The following CNTN5 variants were observed in gnomAD, a reference collection of about 807,000 sequenced individuals.
CNTN5 encodes contactin-5.
A neutral mutation model predicts 129.1 loss-of-function variants in CNTN5; 77 were observed. The observed-to-expected ratio is 0.60, with a 90% confidence interval of 0.50 to 0.72. CNTN5 has a LOEUF of 0.72. CNTN5 is among the 30% of genes least tolerant of loss of function. The pLI is 0.00. For missense variants in CNTN5, 1,478 were observed against 1,328.8 expected (o/e 1.11, Z -1.75); for synonymous variants, 509 against 465.6 (o/e 1.09, Z -1.20).
chr11:99,197,327 TA>T (rs1858953849), intron 1 of CNTN5, among the ~76,000 whole-genome samples: 2 of 151,972 alleles, frequency 1.3e-5, no homozygotes, highest in Non-Finnish European at 2.9e-5. Context: ...GATACCTACC[TA>T]AAAATGTATA....
intron 1 of CNTN5, among the ~76,000 whole-genome samples, chr11:99,184,955 TA>T (rs1301429823): frequency 2.7e-5 from 4 of 147,412 alleles, no homozygotes. Flanking sequence ...ACCTATTAAA[TA>T]AATCAATTCC....
intron 2 of CNTN5, among the ~76,000 whole-genome samples, chr11:99,507,927 A>G (rs1387428068): frequency 1.3e-5 from 2 of 152,218 alleles, no homozygotes; most frequent in African/African-American, 4.8e-5. Context: ...TGGCTTTATA[A>G]AACTTAACTC....
intron 2 of CNTN5, among the ~76,000 whole-genome samples, chr11:99,388,512 C>T (rs995380557): frequency 3.3e-5 from 5 of 151,734 alleles, no homozygotes; most frequent in Non-Finnish European, 2.9e-5. Flanking sequence ...TAGTGCCATG[C>T]GTATCTTTGG....
intron 3 of CNTN5, among the ~76,000 whole-genome samples, chr11:99,756,625 T>A (rs1017917656): frequency 2.6e-5 from 4 of 152,092 alleles, no homozygotes; most frequent in African/African-American, 9.7e-5. Flanking sequence ...GGTAAGATCT[T>A]TGAACATTTA....
chr11:99,292,992 C>T (rs1045249836), intron 1 of CNTN5, among the ~76,000 whole-genome samples: 9 of 152,112 alleles, frequency 5.9e-5, no homozygotes, highest in African/African-American at 2.2e-4. Context: ...TTAATAGGCC[C>T]CCCTTTAATT....
chr11:99,444,194 GT>G (rs1337403649), intron 2 of CNTN5, among the ~76,000 whole-genome samples: 1 of 151,702 alleles, frequency 6.6e-6, no homozygotes, highest in Non-Finnish European at 1.5e-5. Context: ...GCAAAACTCT[GT>G]CTCAAAAAGA....
At chr11:99,059,831 G>A (rs1270758312) in intron 1 of CNTN5, among the ~76,000 whole-genome samples, 2 of 152,032 alleles carry the variant, frequency 1.3e-5, no homozygotes, top group Non-Finnish European at 2.9e-5. Flanking sequence ...CATATGTGAT[G>A]GGTAAAGTTT....
At chr11:99,343,602 G>T (rs1532818) in intron 2 of CNTN5, among the ~76,000 whole-genome samples, 152,002 of 152,340 alleles carry the variant, frequency 1, 75,834 homozygotes, top group Middle Eastern at 1. Context: ...TGTGTTATAC[G>T]TCGATCTCTG....
intron 8 of CNTN5, among the ~76,000 whole-genome samples, chr11:99,971,926 C>G (rs1036984632): frequency 6.7e-6 from 1 of 149,870 alleles, no homozygotes; most frequent in Non-Finnish European, 1.5e-5. Flanking sequence ...ACATTTGTAT[C>G]AGGATAATTG....
chr11:99,188,056 TTTA>T (rs1172378993), intron 1 of CNTN5, among the ~76,000 whole-genome samples: 3 of 151,876 alleles, frequency 2.0e-5, no homozygotes, highest in Non-Finnish European at 4.4e-5. Context: ...TTCTGCACTT[TTTA>T]TTTTCATTTT....
rs1470390814 is a variant in CNTN5 at position 99,392,210 on chromosome 11, A to G, written c.-71+66726A>G. 2.6e-5 allele frequency among the ~76,000 whole-genome samples: 4 copies of G among 151,464 alleles called. No homozygotes were observed. In the East Asian group the frequency reaches 7.7e-4, roughly 29 times the overall value. On this transcript the variant is annotated intron_variant, in intron 2 of 24. Coordinates refer to ENST00000524871, the MANE Select transcript of CNTN5 (RefSeq NM_014361.4). ...GCAGTATTTGTACTCAATAAATAAT[A>G]AAATAATAAAAATAAAAATAAAAAT...
rs561837035 is a variant in CNTN5, at chr11:99,066,788, C to T, written c.-210+45518C>T. Among the ~76,000 whole-genome samples the T allele has an allele frequency of 2.9e-4, 44 of 152,224 alleles. 1 individual carries two copies. The South Asian group carries it at 8.5e-3, about 29-fold the overall frequency. On this transcript the variant is annotated intron_variant, in intron 1 of 24. Transcript: ENST00000524871. ...TGAGGCTACACTTCCTACTCACTGC[C>T]GCCAACTAATTACTGAGCACAGCAG...
At position 99,956,819 on chromosome 11, in the gene CNTN5, CT is replaced by C; in HGVS notation, c.688del (p.Trp230GlyfsTer42). Reference protein sequence around the residue: ...PPHSPEIIYSWVFNEFPSFVA... With the variant: ...PPHSPEIIYSXVFNEFPSFVA... ...GTGTATTTTCAGAGATCATCTATAG[CT>C]GGGTATTTAATGAGTTCCCTTCCTT... On this transcript the variant is annotated frameshift_variant, in exon 8 of 25. Coordinates refer to ENST00000524871, the MANE Select transcript of CNTN5 (RefSeq NM_014361.4). LOFTEE classifies it high-confidence loss of function. 6.2e-7 allele frequency: 1 copy of C among 1,613,714 alleles called. No homozygotes were observed.
chr11:100,041,861 T>C (rs936046139), intron 9 of CNTN5, among the ~76,000 whole-genome samples: 44 of 152,186 alleles, frequency 2.9e-4, no homozygotes, highest in African/African-American at 1.0e-3. Flanking sequence ...TGCTATATAT[T>C]CTGAACCACA....
chr11:99,419,713 C>A (rs1942805630), intron 2 of CNTN5, among the ~76,000 whole-genome samples: 1 of 151,944 alleles, frequency 6.6e-6, no homozygotes, highest in South Asian at 2.1e-4. Context: ...AGGGGTGTGG[C>A]TGGAGAAAGT....
At chr11:99,906,643 G>GT (rs1487950808) in intron 6 of CNTN5, among the ~76,000 whole-genome samples, 1 of 152,138 alleles carries the variant, frequency 6.6e-6, no homozygotes, top group Non-Finnish European at 1.5e-5. Context: ...TTGGTATCAG[G>GT]ATGATGCTGC....
At chr11:99,788,494 T>C in intron 3 of CNTN5, among the ~76,000 whole-genome samples, 1 of 151,952 alleles carries the variant, frequency 6.6e-6, no homozygotes, top group East Asian at 1.9e-4. Flanking sequence ...TTTTATGTCA[T>C]TCCCTTTTGT....
At chr11:99,295,380 C>G (rs1429897783) in intron 1 of CNTN5, among the ~76,000 whole-genome samples, 1 of 152,182 alleles carries the variant, frequency 6.6e-6, no homozygotes, top group Non-Finnish European at 1.5e-5. Context: ...TTTAGCATAA[C>G]TTTTACAAGA....
At chr11:99,617,771 C>G (rs763095322) in intron 3 of CNTN5, among the ~76,000 whole-genome samples, 25 of 152,054 alleles carry the variant, frequency 1.6e-4, no homozygotes, top group Non-Finnish European at 2.5e-4. Context: ...AAAATGAAAC[C>G]ACTGAGACAA....
Sources: allele counts gnomAD v4.1 joint callset (sites outside exome capture counted in the v4.1 genomes callset), GRCh38; gene constraint gnomAD v4.1.1; transcripts MANE v1.5; gene names NCBI Gene and HGNC (gene_info 2026-07-23, HGNC 2026-07-21).